Variants in INSR observed in about 807,000 individuals in gnomAD.
INSR encodes IR.
INSR carries 67 observed loss-of-function variants against 142.6 expected under a neutral mutation model. That is an observed-to-expected ratio of 0.47 (90% CI 0.39 to 0.58). The LOEUF is 0.58. INSR is among the 20% of genes least tolerant of loss of function. The probability of loss-of-function intolerance (pLI) is 0.00; values close to 1 mark genes in which losing one functional copy is unlikely to be tolerated. For missense variants in INSR, 1,248 were observed against 1,833.2 expected, an observed-to-expected ratio of 0.68 and a Z score of 5.83; for synonymous variants, 756 against 743.1, an observed-to-expected ratio of 1.02 and a Z score of -0.28.
intron 1 of INSR, among the ~76,000 whole-genome samples, chr19:7,276,563 G>A (rs1014554222): frequency 3.3e-5 from 5 of 152,030 alleles, no homozygotes; most frequent in African/African-American, 1.2e-4. Context: ...GCCTCAACAA[G>A]TCTTGGGTTC....
rs1972577388 is a variant in INSR, at chr19:7,124,540, GGAAAAAAAAAAAAAAAAAA to G, written c.3258+724_3258+742del. 4.1e-3 allele frequency among the ~76,000 whole-genome samples: 44 copies of G among 10,806 alleles called. 6 individuals are homozygous for G. The highest frequency in any genetic ancestry group is 0.022 in the South Asian group (3 of 138). The allele number at this position is 10,806 out of a possible 152,430, so 7.1% of individuals were successfully genotyped here. On this transcript the variant is annotated intron_variant, in intron 17 of 21. Transcript: ENST00000302850. Reference sequence around the variant, plus strand: ...CACAACAAAGCGAGACTCCGTTTCAGGAAAAAAAAAAAAAAAAAAAAAAAAAAAAAAAAAAAAAAAAAAA... The same window carrying G: ...CACAACAAAGCGAGACTCCGTTTCAGAAAAAAAAAAAAAAAAAAAAAAAAA...
Position 7,122,615 on chromosome 19 carries a change from T to A in INSR, c.3528A>T (p.Gly1176=). 1 of 1,613,960 alleles carries A rather than the reference T, an allele frequency of 6.2e-7. No homozygotes were observed. The highest frequency in any genetic ancestry group is 8.5e-7 in the Non-Finnish European group (1 of 1,179,964). The change falls in exon 19 of 22, where the codon GGA becomes GGT. Residue 1176 remains glycine, a splice_region_variant and synonymous_variant. Transcript: ENST00000302850. ...TTCAAAGCAGAAAGCCAGACGAACC[T>A]CCAATTTTGACAGTAAAATCATGGG... ...MVAHDFTVKI[G]DFGMTRDIYE...
chr19:7,169,081 C>T (rs1278271188), intron 6 of INSR, among the ~76,000 whole-genome samples: 1 of 152,222 alleles, frequency 6.6e-6, no homozygotes, highest in African/African-American at 2.4e-5. Flanking sequence ...TGGACAGCCC[C>T]CACCTATGAC....
At chr19:7,156,420 T>C (rs916480983) in intron 9 of INSR, among the ~76,000 whole-genome samples, 27 of 152,102 alleles carry the variant, frequency 1.8e-4, no homozygotes, top group African/African-American at 6.3e-4. Flanking sequence ...GATCAGTGAA[T>C]GGTTCTCACC....
chr19:7,215,612 G>C (rs1221309831), intron 2 of INSR, among the ~76,000 whole-genome samples: 1 of 151,686 alleles, frequency 6.6e-6, no homozygotes, highest in Non-Finnish European at 1.5e-5. Context: ...CTGTCACCCA[G>C]GCTGGAGTGC....
At chr19:7,274,518 C>T (rs187986007) in intron 1 of INSR, among the ~76,000 whole-genome samples, 82 of 151,646 alleles carry the variant, frequency 5.4e-4, no homozygotes, top group Admixed American at 5.1e-3. Context: ...ATTGATTTGT[C>T]GCCCAGGCGT....
intron 14 of INSR, among the ~76,000 whole-genome samples, chr19:7,130,363 C>T (rs1406501850): frequency 6.6e-6 from 1 of 152,196 alleles, no homozygotes; most frequent in East Asian, 1.9e-4. Flanking sequence ...ACTGACCACA[C>T]ATGGACAGAA....
At chr19:7,207,645 C>T (rs910407311) in intron 2 of INSR, among the ~76,000 whole-genome samples, 11 of 149,726 alleles carry the variant, frequency 7.3e-5, no homozygotes, top group African/African-American at 2.5e-4. Context: ...GAGAATGGGC[C>T]GGGCCAGTGG....
chr19:7,279,784 G>A (rs1025272742), intron 1 of INSR, among the ~76,000 whole-genome samples: 6 of 151,604 alleles, frequency 4.0e-5, no homozygotes, highest in Admixed American at 2.0e-4. Flanking sequence ...AGATTGGCCT[G>A]GGTAACATAG....
chr19:7,229,367 T>TGG (rs1975897814), intron 2 of INSR, among the ~76,000 whole-genome samples: 1 of 147,950 alleles, frequency 6.8e-6, no homozygotes, highest in African/African-American at 2.5e-5. Context: ...GATGGATGGA[T>TGG]AGATGGATGG....
rs752428170 is a variant in INSR at position 7,216,724 on chromosome 19, G to A, written c.653-32087C>T. Among the ~76,000 whole-genome samples the A allele has an allele frequency of 6.6e-6, 1 of 152,184 alleles. No individual in the cohort carries two copies. The highest frequency in any genetic ancestry group is 6.5e-5 in the Admixed American group (1 of 15,280). ...CCCCTGGCTAGAGACCCGCCCAGAG[G>A]GGGTTTCCAGGCCCAGGTGCTGGGT... On this transcript the variant is annotated intron_variant, in intron 2 of 21. Transcript: ENST00000302850. This position sits in a 1 kb window ranked among gnomAD's most constrained non-coding sequence, Gnocchi z 4.2.
intron 1 of INSR, among the ~76,000 whole-genome samples, chr19:7,284,653 G>A (rs1001171097): frequency 2.0e-5 from 3 of 151,842 alleles, no homozygotes; most frequent in Non-Finnish European, 4.4e-5. Context: ...CTCAGCCTCC[G>A]GAGTAGCTCG....
Position 7,227,827 on chromosome 19 carries a change from A to G in INSR, c.652+39518T>C, listed in dbSNP as rs560348678. ...GTTTTGTTTTTGTTTTTGTTTTTCC[A>G]GAACACTGATATGTATCCTCAATGG... On this transcript the variant is annotated intron_variant, in intron 2 of 21. Transcript: ENST00000302850. Among the ~76,000 whole-genome samples, 5 of 149,112 alleles carry G rather than the reference A, an allele frequency of 3.4e-5. No homozygotes were observed. The East Asian group carries it at 1.0e-3, about 31-fold the overall frequency.
At chr19:7,149,132 C>G (rs1973257531) in intron 11 of INSR, among the ~76,000 whole-genome samples, 1 of 152,056 alleles carries the variant, frequency 6.6e-6, no homozygotes, top group Non-Finnish European at 1.5e-5. Context: ...TGGTCTCGAT[C>G]TTCTGATCTC....
At chr19:7,283,213 A>G (rs147838213) in intron 1 of INSR, among the ~76,000 whole-genome samples, 1 of 152,148 alleles carries the variant, frequency 6.6e-6, no homozygotes, top group Admixed American at 6.6e-5. Flanking sequence ...AAATGAATAA[A>G]TGAAATAAAT....
At chr19:7,187,781 C>T (rs527995514) in intron 2 of INSR, among the ~76,000 whole-genome samples, 1 of 152,070 alleles carries the variant, frequency 6.6e-6, no homozygotes, top group African/African-American at 2.4e-5. Flanking sequence ...CTATGTTGCC[C>T]AGGCTGGTCT....
At chr19:7,209,304 T>C (rs2145068216) in intron 2 of INSR, among the ~76,000 whole-genome samples, 1 of 152,262 alleles carries the variant, frequency 6.6e-6, no homozygotes, top group East Asian at 1.9e-4. Flanking sequence ...CCAGGCTGGG[T>C]GACCAATGCA....
chr19:7,238,684 A>G (rs17254521), intron 2 of INSR, among the ~76,000 whole-genome samples: 75,243 of 147,330 alleles, frequency 0.51, 20,625 homozygotes, highest in African/African-American at 0.7. Flanking sequence ...CATGAGTCTC[A>G]TCTCTCGTCT....
chr19:7,123,302 G>A (rs544022581), intron 17 of INSR: 182 of 354,548 alleles, frequency 5.1e-4, no homozygotes, highest in African/African-American at 2.1e-3. Context: ...CCGAGTAGCT[G>A]GGGTTACAGG....
Sources: allele counts gnomAD v4.1 joint callset (sites outside exome capture counted in the v4.1 genomes callset), GRCh38; gene constraint gnomAD v4.1.1; non-coding constraint Gnocchi (gnomAD v3.1); transcripts MANE v1.5; gene names NCBI Gene and HGNC (gene_info 2026-07-23, HGNC 2026-07-21).